The following TMC1 variants were observed in gnomAD, a reference collection of about 807,000 sequenced individuals.
The protein encoded by TMC1 is transmembrane channel-like protein 1.
In TMC1, 84 loss-of-function variants were observed where a neutral mutation model predicts 105.8. The observed-to-expected ratio is 0.79, with a 90% CI of 0.67 to 0.95. The LOEUF (loss-of-function observed/expected upper bound fraction) is 0.95. Ranked by LOEUF, TMC1 falls within the 40% of genes least tolerant of loss-of-function variation. The pLI, the probability that TMC1 is intolerant of heterozygous loss-of-function variation, is 0.00. For missense variants in TMC1, 817 were observed against 914.1 expected (o/e 0.89, Z 1.37); for synonymous variants, 315 against 311.5 (o/e 1.01, Z -0.12).
chr9:72,733,085 T>C (rs1216352815), intron 8 of TMC1, among the ~76,000 whole-genome samples: 1 of 152,156 alleles, frequency 6.6e-6, no homozygotes, highest in African/African-American at 2.4e-5. Flanking sequence ...CAGAATTTAA[T>C]ACGATGTTGT....
intron 2 of TMC1, among the ~76,000 whole-genome samples, chr9:72,612,026 T>C (rs35771116): frequency 6.6e-6 from 1 of 152,104 alleles, no homozygotes; most frequent in Non-Finnish European, 1.5e-5. Context: ...TGCTTCTGTT[T>C]GGATTTTGCC....
At chr9:72,555,812 G>T (rs1382907713) in intron 1 of TMC1, among the ~76,000 whole-genome samples, 1 of 151,186 alleles carries the variant, frequency 6.6e-6, no homozygotes, top group Non-Finnish European at 1.5e-5. Context: ...TAGTAGAGAT[G>T]GGGTTTCACC....
At chr9:72,812,658 C>T (rs1202188899) in intron 18 of TMC1, among the ~76,000 whole-genome samples, 7 of 152,224 alleles carry the variant, frequency 4.6e-5, no homozygotes, top group African/African-American at 1.4e-4. Context: ...TGCTGACTCT[C>T]GTCTGAGGAC....
At chr9:72,692,588 G>A (rs561191865) in intron 6 of TMC1, among the ~76,000 whole-genome samples, 1 of 152,242 alleles carries the variant, frequency 6.6e-6, no homozygotes, top group South Asian at 2.1e-4. Context: ...AAAATTCAGA[G>A]TACCAAGTAG....
chr9:72,595,695 T>A (rs528166179), intron 2 of TMC1, among the ~76,000 whole-genome samples: 3 of 117,654 alleles, frequency 2.5e-5, no homozygotes, highest in African/African-American at 7.7e-5. Flanking sequence ...TTTTTTTTTT[T>A]AGACTGAATC....
At chr9:72,614,533 A>G (rs1174563697) in intron 2 of TMC1, among the ~76,000 whole-genome samples, 4 of 152,224 alleles carry the variant, frequency 2.6e-5, no homozygotes, top group African/African-American at 9.6e-5. Flanking sequence ...AATGCTGCTT[A>G]TATGTAATTT....
intron 5 of TMC1, among the ~76,000 whole-genome samples, chr9:72,681,943 C>T (rs1046789903): frequency 5.9e-5 from 9 of 151,990 alleles, no homozygotes; most frequent in African/African-American, 2.2e-4. Context: ...TTATTTTCTA[C>T]TTCTGAGGGC....
chr9:72,811,005 C>T (rs548416463), intron 18 of TMC1, among the ~76,000 whole-genome samples: 3 of 152,102 alleles, frequency 2.0e-5, no homozygotes, highest in Non-Finnish European at 2.9e-5. Context: ...CTGCAGATTT[C>T]AGCATTAGAT....
intron 1 of TMC1, among the ~76,000 whole-genome samples, chr9:72,527,035 A>G (rs1383013080): frequency 1.3e-5 from 2 of 152,148 alleles, no homozygotes; most frequent in Non-Finnish European, 2.9e-5. Context: ...AGGGGGTGTC[A>G]TGTACTAGGT....
chr9:72,710,891 C>T (rs545530599), intron 8 of TMC1, among the ~76,000 whole-genome samples: 3 of 152,212 alleles, frequency 2.0e-5, no homozygotes, highest in East Asian at 1.9e-4. Context: ...CCTGTCAACC[C>T]GTCATCCACA....
At chr9:72,799,792 A>G (rs781283338) in intron 17 of TMC1, among the ~76,000 whole-genome samples, 8 of 152,172 alleles carry the variant, frequency 5.3e-5, no homozygotes, top group Non-Finnish European at 8.8e-5. Context: ...TAAATATGTT[A>G]CATGGCAAAA....
intron 1 of TMC1, among the ~76,000 whole-genome samples, chr9:72,572,687 T>C (rs904521896): frequency 2.6e-5 from 4 of 152,178 alleles, no homozygotes; most frequent in African/African-American, 7.2e-5. Flanking sequence ...ACTTACTCTT[T>C]TTTAAATTTA....
At chr9:72,766,657 G>A (rs1382122132) in intron 12 of TMC1, among the ~76,000 whole-genome samples, 1 of 152,090 alleles carries the variant, frequency 6.6e-6, no homozygotes, top group Non-Finnish European at 1.5e-5. Context: ...GATACCCAAA[G>A]GAACTGCCTC....
intron 8 of TMC1, among the ~76,000 whole-genome samples, chr9:72,700,940 G>A (rs1826636448): frequency 6.6e-6 from 1 of 151,432 alleles, no homozygotes; most frequent in South Asian, 2.1e-4. Context: ...AGAGAGACTG[G>A]GCTAATGATT....
chr9:72,647,407 T>G (rs1825733238), intron 4 of TMC1, among the ~76,000 whole-genome samples: 1 of 152,170 alleles, frequency 6.6e-6, no homozygotes. Context: ...AGTTATTTTA[T>G]ATATTTATGG....
At chr9:72,781,572 A>G (rs1258861518) in intron 13 of TMC1, among the ~76,000 whole-genome samples, 1 of 152,184 alleles carries the variant, frequency 6.6e-6, no homozygotes, top group Non-Finnish European at 1.5e-5. Context: ...ACCACTAGCT[A>G]GATTAATAAA....
intron 18 of TMC1, among the ~76,000 whole-genome samples, chr9:72,812,155 C>CT (rs1262698551): frequency 6.6e-6 from 1 of 152,206 alleles, no homozygotes; most frequent in Non-Finnish European, 1.5e-5. Context: ...AATTCATACA[C>CT]TAAACCTATG....
At chr9:72,685,217 C>T (rs1017151521) in intron 5 of TMC1, among the ~76,000 whole-genome samples, 17 of 149,388 alleles carry the variant, frequency 1.1e-4, no homozygotes, top group African/African-American at 4.0e-4. Flanking sequence ...TACCATTCTC[C>T]TGTTTCAGCC....
intron 10 of TMC1, among the ~76,000 whole-genome samples, chr9:72,749,198 G>A (rs1827539109): frequency 2.0e-5 from 3 of 152,204 alleles, no homozygotes; most frequent in Non-Finnish European, 4.4e-5. Flanking sequence ...TGTAGGTGCT[G>A]AGAGGATGGG....
Sources: allele counts gnomAD v4.1 joint callset (sites outside exome capture counted in the v4.1 genomes callset), GRCh38; gene constraint gnomAD v4.1.1; transcripts MANE v1.5; gene names NCBI Gene and HGNC (gene_info 2026-07-23, HGNC 2026-07-21).